The following ZNF385B variants were observed in gnomAD, a reference collection of about 807,000 sequenced individuals.
The protein encoded by ZNF385B is zinc finger protein 385B.
ZNF385B carries 23 observed loss-of-function variants against 39.2 expected under a neutral mutation model. The observed-to-expected ratio is 0.59, with a 90% CI of 0.42 to 0.83. ZNF385B has a LOEUF of 0.83. Among genes scored for constraint, ZNF385B ranks in the 40% least tolerant of loss-of-function variants. The pLI is 0.00. For synonymous variants in ZNF385B, 205 were observed against 222.6 expected (o/e 0.92, Z 0.70); for missense variants, 552 against 598.9 (o/e 0.92, Z 0.82).
At chr2:179,619,692 G>A (rs752808232) in intron 3 of ZNF385B, among the ~76,000 whole-genome samples, 5 of 152,200 alleles carry the variant, frequency 3.3e-5, no homozygotes, top group African/African-American at 9.6e-5. Context: ...TATGGGGAAC[G>A]AGGCATGTTC....
intron 3 of ZNF385B, among the ~76,000 whole-genome samples, chr2:179,694,930 A>C (rs1352726006): frequency 6.8e-6 from 1 of 146,298 alleles, no homozygotes; most frequent in Non-Finnish European, 1.5e-5. Context: ...ACTCCATCTC[A>C]AAAAAGAAAA....
At chr2:179,800,725 G>A (rs1293202506) in intron 1 of ZNF385B, among the ~76,000 whole-genome samples, 1 of 152,004 alleles carries the variant, frequency 6.6e-6, no homozygotes, top group South Asian at 2.1e-4. Flanking sequence ...GAAGCAGAGA[G>A]AATAGGTCAA....
intron 5 of ZNF385B, among the ~76,000 whole-genome samples, chr2:179,506,112 T>C (rs7575586): frequency 0.7 from 106,717 of 151,966 alleles, 38,919 homozygotes; most frequent in East Asian, 0.91. Flanking sequence ...TTAGTATAAG[T>C]TCCTAATGGT....
At chr2:179,584,419 A>G (rs1574903002) in intron 3 of ZNF385B, among the ~76,000 whole-genome samples, 1 of 152,188 alleles carries the variant, frequency 6.6e-6, no homozygotes, top group Non-Finnish European at 1.5e-5. Flanking sequence ...ATCGAACAAC[A>G]TGAGTCTAGG....
At chr2:179,520,405 C>T (rs2058400205) in intron 4 of ZNF385B, among the ~76,000 whole-genome samples, 1 of 151,990 alleles carries the variant, frequency 6.6e-6, no homozygotes, top group African/African-American at 2.4e-5. Context: ...TGTTGAAGGT[C>T]ATAACTGATT....
chr2:179,593,538 C>T (rs536866159), intron 3 of ZNF385B, among the ~76,000 whole-genome samples: 17 of 152,180 alleles, frequency 1.1e-4, no homozygotes, highest in African/African-American at 3.9e-4. Flanking sequence ...AATTTTCATG[C>T]GTAGAACAAT....
At chr2:179,533,381 T>C (rs1346536745) in intron 4 of ZNF385B, among the ~76,000 whole-genome samples, 1 of 152,236 alleles carries the variant, frequency 6.6e-6, no homozygotes, top group African/African-American at 2.4e-5. Context: ...TCTTAGTCTG[T>C]GTAATTTAAA....
chr2:179,809,297 T>TA (rs1016820513), intron 1 of ZNF385B, among the ~76,000 whole-genome samples: 1 of 152,188 alleles, frequency 6.6e-6, no homozygotes, highest in African/African-American at 2.4e-5. Context: ...AGAGAACTCG[T>TA]AAAGAGTTTC....
intron 6 of ZNF385B, among the ~76,000 whole-genome samples, chr2:179,451,866 G>A (rs1373481348): frequency 1.3e-5 from 2 of 151,758 alleles, no homozygotes; most frequent in African/African-American, 2.4e-5. Flanking sequence ...ATTCCTTACT[G>A]GTATTTTAAA....
chr2:179,673,914 G>A (rs1200337547), intron 3 of ZNF385B, among the ~76,000 whole-genome samples: 1 of 151,988 alleles, frequency 6.6e-6, no homozygotes, highest in Non-Finnish European at 1.5e-5. Flanking sequence ...ACCTTTTTAT[G>A]CAACATAAAA....
chr2:179,634,337 G>T (rs538571000), intron 3 of ZNF385B, among the ~76,000 whole-genome samples: 1 of 151,950 alleles, frequency 6.6e-6, no homozygotes, highest in Admixed American at 6.6e-5. Context: ...AATCTACAAA[G>T]AACTTAAGCA....
intron 3 of ZNF385B, among the ~76,000 whole-genome samples, chr2:179,696,326 C>CTTTTTTTTTTTTTGTTTTTTTTTT (rs1698748812): frequency 2.5e-5 from 1 of 40,354 alleles, no homozygotes; most frequent in Non-Finnish European, 4.1e-5. Flanking sequence ...CAAACTGGGA[C>CTTTTTTTTTTTTTGTTTTTTTTTT]TTTTTTTTTT....
intron 4 of ZNF385B, chr2:179,536,540 A>C (rs2059578508): frequency 6.6e-6 from 1 of 152,204 alleles, no homozygotes; most frequent in East Asian, 1.9e-4. Flanking sequence ...GAAATTTTAC[A>C]TTCTTTTACC....
rs556606789 is a variant in ZNF385B, at chr2:179,496,393, G to A, written c.553-12959C>T. Among the ~76,000 whole-genome samples, 11 of 152,252 alleles carry A rather than the reference G, an allele frequency of 7.2e-5. No homozygotes were observed. The East Asian group carries it at 7.7e-4, about 11-fold the overall frequency. On this transcript the variant is annotated intron_variant, in intron 5 of 9. Transcript: ENST00000410066. ...TCTAAGAGTTATTGGCCTTAAAGGG[G>A]AGGTAGAAAAAGAGACAGGGATAGA...
intron 3 of ZNF385B, among the ~76,000 whole-genome samples, chr2:179,715,325 C>A (rs77935003): frequency 0.11 from 16,557 of 152,184 alleles, 1,144 homozygotes; most frequent in Non-Finnish European, 0.16. Flanking sequence ...AGAGTCCATA[C>A]CCCACCTCTG....
intron 3 of ZNF385B, among the ~76,000 whole-genome samples, chr2:179,609,110 T>C (rs1344511074): frequency 6.6e-6 from 1 of 152,062 alleles, no homozygotes; most frequent in Non-Finnish European, 1.5e-5. Flanking sequence ...GAGTATGATA[T>C]TATTGTAAAC....
At chr2:179,716,310 C>A (rs1700327486) in intron 3 of ZNF385B, among the ~76,000 whole-genome samples, 1 of 152,024 alleles carries the variant, frequency 6.6e-6, no homozygotes, top group Non-Finnish European at 1.5e-5. Context: ...TTTTTTCATT[C>A]TTAAAATCTC....
At chr2:179,466,023 A>C (rs1053996003) in intron 6 of ZNF385B, among the ~76,000 whole-genome samples, 3 of 152,220 alleles carry the variant, frequency 2.0e-5, no homozygotes, top group African/African-American at 7.2e-5. Flanking sequence ...ATTCACTGCT[A>C]ATAGCTGAAT....
chr2:179,680,723 A>G (rs1176830164), intron 3 of ZNF385B, among the ~76,000 whole-genome samples: 1 of 152,126 alleles, frequency 6.6e-6, no homozygotes, highest in Non-Finnish European at 1.5e-5. Flanking sequence ...TTAACTTAAG[A>G]ATGTTAAATA....
Sources: allele counts gnomAD v4.1 joint callset (sites outside exome capture counted in the v4.1 genomes callset), GRCh38; gene constraint gnomAD v4.1.1; transcripts MANE v1.5; gene names NCBI Gene and HGNC (gene_info 2026-07-23, HGNC 2026-07-21).